ARHGAP5: variants seen among roughly 807,000 people sequenced by gnomAD.
ARHGAP5 encodes the protein rho GTPase-activating protein 5.
Under a neutral mutation model 116.6 loss-of-function variants are expected in ARHGAP5, and 23 were observed. That is an observed-to-expected ratio of 0.20 (90% CI 0.14 to 0.28). The LOEUF (loss-of-function observed/expected upper bound fraction) is 0.28, where lower values mean the gene tolerates loss of function less well. Ranked by LOEUF, ARHGAP5 falls within the 10% of genes least tolerant of loss-of-function variation. The probability of loss-of-function intolerance (pLI) is 1.00; values close to 1 mark genes in which losing one functional copy is unlikely to be tolerated. For missense variants in ARHGAP5, 1,405 were observed against 1,774.8 expected (o/e 0.79, Z 3.74); for synonymous variants, 574 against 602.0 (o/e 0.95, Z 0.68).
chr14:32,112,243 G>A (rs1207468083), intron 2 of ARHGAP5, among the ~76,000 whole-genome samples: 1 of 152,066 alleles, frequency 6.6e-6, no homozygotes, highest in African/African-American at 2.4e-5. Context: ...TTCAATTTTT[G>A]GTTACTGGTG....
intron 2 of ARHGAP5, among the ~76,000 whole-genome samples, chr14:32,106,354 C>T (rs1475734648): frequency 2.0e-5 from 3 of 152,042 alleles, no homozygotes; most frequent in Admixed American, 6.6e-5. Context: ...CTCCTGACCT[C>T]GTGATCCACC....
intron 2 of ARHGAP5, among the ~76,000 whole-genome samples, chr14:32,106,737 G>T (rs1879039403): frequency 6.6e-6 from 1 of 152,060 alleles, no homozygotes; most frequent in South Asian, 2.1e-4. Context: ...TAAGCTCCAG[G>T]TACATCAAAA....
intron 3 of ARHGAP5, among the ~76,000 whole-genome samples, chr14:32,118,377 G>T (rs1315687440): frequency 2.6e-5 from 4 of 152,050 alleles, no homozygotes; most frequent in Middle Eastern, 3.4e-3. Flanking sequence ...TGTGCCTGTA[G>T]TCCCAGCTAC....
chr14:32,080,502 AT>A (rs2041761426), intron 1 of ARHGAP5, among the ~76,000 whole-genome samples: 1 of 151,772 alleles, frequency 6.6e-6, no homozygotes. Flanking sequence ...ATCTGCATTA[AT>A]TTTTTTTAAG....
intron 1 of ARHGAP5, among the ~76,000 whole-genome samples, chr14:32,084,891 C>A (rs373522860): frequency 6.6e-6 from 1 of 152,040 alleles, no homozygotes; most frequent in South Asian, 2.1e-4. Flanking sequence ...CATCTGTAGT[C>A]GCAGCTGCTT....
chr14:32,091,951 G>C lies in ARHGAP5; in HGVS notation c.1282G>C (p.Val428Leu), dbSNP rs761510834. The change falls in exon 2 of 7, where the codon GTG becomes CTG. Residue 428 changes from valine (V) to leucine (L), a missense_variant. Transcript: ENST00000345122. The part of the protein sequence containing the change: ...VQHLISEKRR[V>L]EMKEKFKKTL... ...GCATCTGATATCCGAGAAGAGGAGG[G>C]TGGAAATGAAGGAAAAATTCAAAAA... 67 of 1,613,500 alleles carry C rather than the reference G, an allele frequency of 4.2e-5. No individual in the cohort carries two copies. The highest frequency in any genetic ancestry group is 5.5e-5 in the Non-Finnish European group (65 of 1,179,672).
At position 32,158,783 on chromosome 14, in the gene ARHGAP5, T is replaced by C. The variant is rs889824321; in HGVS notation, c.*3835T>C. 6.6e-6 allele frequency: 1 copy of C among 152,050 alleles called. No homozygotes were observed. The highest frequency in any genetic ancestry group is 2.4e-5 in the African/African-American group (1 of 41,460). The allele number at this position is 152,050 out of a possible 1,614,324, so 9.4% of individuals were successfully genotyped here. A position where few individuals can be genotyped will look rare whatever the true frequency, so the allele number is the denominator to read the frequency against. On this transcript the variant is annotated 3_prime_UTR_variant, in exon 7 of 7. Transcript: ENST00000345122. ...AGGGAAGATACTATTCAAATCATTT[T>C]CTTAGGATAGCATCTTTACATACAA... is the stretch of plus-strand genomic sequence containing the variant.
At chr14:32,143,239 G>GTTGTTGTTGTTGTTGTTA (rs1456165613) in intron 3 of ARHGAP5, among the ~76,000 whole-genome samples, 2 of 143,886 alleles carry the variant, frequency 1.4e-5, no homozygotes, top group African/African-American at 5.4e-5. Flanking sequence ...TGTTGTTGTT[G>GTTGTTGTTGTTGTTGTTA]TTATTATTAT....
At chr14:32,090,150 A>G (rs952154832) in intron 1 of ARHGAP5, among the ~76,000 whole-genome samples, 3 of 152,018 alleles carry the variant, frequency 2.0e-5, no homozygotes, top group African/African-American at 7.2e-5. Flanking sequence ...TATCACCAGC[A>G]TCGCCTCCAG....
Position 32,154,612 on chromosome 14 carries a change from T to C in ARHGAP5, c.4182-9T>C. 6.3e-7 allele frequency: 1 copy of C among 1,580,812 alleles called. No individual in the cohort carries two copies. The highest frequency in any genetic ancestry group is 2.3e-5 in the East Asian group (1 of 44,438). The stretch of plus-strand genomic sequence containing the variant: ...GATTTCTAAATGTTTTTTCCTTTCA[T>C]AATTTCAGGGTTAGTCAGCAACATA... On this transcript the variant is annotated splice_polypyrimidine_tract_variant and intron_variant, in intron 6 of 6. Transcript: ENST00000345122.
At chr14:32,099,029 C>T (rs113882119) in intron 2 of ARHGAP5, among the ~76,000 whole-genome samples, 13,918 of 152,010 alleles carry the variant, frequency 0.092, 2,025 homozygotes, top group African/African-American at 0.31. Flanking sequence ...CTTGGAGCAG[C>T]TGGAGTTGGG....
At chr14:32,106,171 C>T (rs899931573) in intron 2 of ARHGAP5, among the ~76,000 whole-genome samples, 8 of 152,084 alleles carry the variant, frequency 5.3e-5, no homozygotes, top group Non-Finnish European at 8.8e-5. Context: ...GCCCAGGCTA[C>T]AGTGCAGTGG....
intron 2 of ARHGAP5, among the ~76,000 whole-genome samples, chr14:32,107,830 A>ACT (rs1331372337): frequency 1.3e-5 from 2 of 152,230 alleles, no homozygotes; most frequent in Non-Finnish European, 2.9e-5. Context: ...ACTCAGAGGA[A>ACT]GAGTTATCAG....
chr14:32,106,993 G>A (rs188435151), intron 2 of ARHGAP5, among the ~76,000 whole-genome samples: 1 of 152,022 alleles, frequency 6.6e-6, no homozygotes, highest in Non-Finnish European at 1.5e-5. Context: ...TCTACCCTTT[G>A]AATCCAGATT....
intron 1 of ARHGAP5, among the ~76,000 whole-genome samples, chr14:32,088,509 CTA>C (rs1222450708): frequency 2.0e-5 from 3 of 151,910 alleles, no homozygotes; most frequent in African/African-American, 4.8e-5. Context: ...CTAGAATATA[CTA>C]TGTTTTCTTC....
chr14:32,087,606 G>C (rs1237618950), intron 1 of ARHGAP5, among the ~76,000 whole-genome samples: 2 of 151,494 alleles, frequency 1.3e-5, no homozygotes, highest in Non-Finnish European at 2.9e-5. Context: ...CCACATCTAG[G>C]TGGAAGAATT....
At chr14:32,141,954 G>C (rs989454174) in intron 3 of ARHGAP5, among the ~76,000 whole-genome samples, 2 of 152,020 alleles carry the variant, frequency 1.3e-5, no homozygotes, top group Non-Finnish European at 1.5e-5. Flanking sequence ...TTTCTCTTCA[G>C]ACTGGATAAT....
In ARHGAP5 at chr14:32,157,761, AAGC is replaced by A. The variant is rs1208664931; in HGVS notation, c.*2817_*2819del. 2.0e-5 allele frequency: 3 copies of A among 151,566 alleles called. No individual in the cohort carries two copies. Among genetic ancestry groups the A allele is most frequent in the African/African-American group, 2.4e-5 (1 of 41,390 alleles). The allele number at this position is 151,566 out of a possible 1,614,324, so 9.4% of individuals were successfully genotyped here. A position where few individuals can be genotyped will look rare whatever the true frequency, so the allele number is the denominator to read the frequency against. On this transcript the variant is annotated 3_prime_UTR_variant, in exon 7 of 7. Transcript: ENST00000345122. ...GTAACCGCAATCTAAGTTAGCCAAAAAGCAGCTTTTTTTCCCATACTGTATGTA... is the reference window on the plus strand; with the variant it reads ...GTAACCGCAATCTAAGTTAGCCAAAAAGCTTTTTTTCCCATACTGTATGTA...
At chr14:32,110,399 G>C (rs1355036252) in intron 2 of ARHGAP5, among the ~76,000 whole-genome samples, 1 of 151,688 alleles carries the variant, frequency 6.6e-6, no homozygotes, top group Non-Finnish European at 1.5e-5. Context: ...AGCTCAAGCT[G>C]TCCTTCCATC....
Sources: allele counts gnomAD v4.1 joint callset (sites outside exome capture counted in the v4.1 genomes callset), GRCh38; gene constraint gnomAD v4.1.1; transcripts MANE v1.5; gene names NCBI Gene and HGNC (gene_info 2026-07-23, HGNC 2026-07-21).